YEATS4: variants seen among roughly 807,000 people sequenced by gnomAD.
YEATS4 encodes YEATS domain-containing protein 4.
Under a neutral mutation model 30.1 loss-of-function variants are expected in YEATS4, and 17 were observed. The observed-to-expected ratio is 0.56, with a 90% CI of 0.39 to 0.85. The LOEUF (loss-of-function observed/expected upper bound fraction) is 0.85. Among genes scored for constraint, YEATS4 ranks in the 40% least tolerant of loss-of-function variants. The probability of loss-of-function intolerance (pLI) is 0.00; values close to 1 mark genes in which losing one functional copy is unlikely to be tolerated. For missense variants in YEATS4, 142 were observed against 268.3 expected (o/e 0.53, Z 3.29); for synonymous variants, 85 against 87.5 (o/e 0.97, Z 0.16).
chr12:69,424,955 T>C, the YEATS4 span, among the ~76,000 whole-genome samples: 2 of 152,172 alleles, frequency 1.3e-5, no homozygotes, highest in African/African-American at 4.8e-5. Flanking sequence ...GTTTTGCTCT[T>C]GTTGCCCAGG....
chr12:69,362,456 A>G (rs1188127907), intron 1 of YEATS4, among the ~76,000 whole-genome samples: 2 of 152,242 alleles, frequency 1.3e-5, no homozygotes, highest in African/African-American at 4.8e-5. Context: ...GCCACAGGTG[A>G]TGCCAGTCAG....
At chr12:69,426,253 T>C in the YEATS4 span, among the ~76,000 whole-genome samples, 1 of 152,088 alleles carries the variant, frequency 6.6e-6, no homozygotes, top group Admixed American at 6.5e-5. Flanking sequence ...ATAATAATAA[T>C]AATAAACTAT....
At chr12:69,369,080 G>T (rs1335844615) in intron 4 of YEATS4, among the ~76,000 whole-genome samples, 1 of 152,112 alleles carries the variant, frequency 6.6e-6, no homozygotes, top group African/African-American at 2.4e-5. Flanking sequence ...TATACCTTTT[G>T]CAGGGAGGTC....
At chr12:69,360,382 C>T (rs1157195195) in intron 1 of YEATS4, among the ~76,000 whole-genome samples, 1 of 152,200 alleles carries the variant, frequency 6.6e-6, no homozygotes, top group Non-Finnish European at 1.5e-5. Flanking sequence ...ACGCCACCCT[C>T]CTGGTGTGAG....
At chr12:69,374,966 C>T (rs553870423) in intron 6 of YEATS4, among the ~76,000 whole-genome samples, 197 of 145,986 alleles carry the variant, frequency 1.3e-3, no homozygotes, top group African/African-American at 4.9e-3. Context: ...CGGGCAGGGG[C>T]GCCCCCCACC....
chr12:69,382,129 T>G (rs779319638), intron 6 of YEATS4, among the ~76,000 whole-genome samples: 2 of 152,224 alleles, frequency 1.3e-5, no homozygotes, highest in African/African-American at 4.8e-5. Context: ...ATAATCAGTC[T>G]CATTATAGGA....
At chr12:69,418,885 T>G in the YEATS4 span, among the ~76,000 whole-genome samples, 2 of 151,808 alleles carry the variant, frequency 1.3e-5, no homozygotes, top group East Asian at 3.9e-4. Context: ...GGAGTTCAAG[T>G]TCAGCCTGGG....
the YEATS4 span, among the ~76,000 whole-genome samples, chr12:69,426,634 G>C: frequency 6.6e-6 from 1 of 152,206 alleles, no homozygotes; most frequent in South Asian, 2.1e-4. Context: ...GCCTCCCAAA[G>C]TGCTGGGATT....
downstream of YEATS4, among the ~76,000 whole-genome samples, chr12:69,393,584 AAAG>A (rs201736499): frequency 1.9e-3 from 280 of 151,246 alleles, 2 homozygotes; most frequent in African/African-American, 6.6e-3. Context: ...GAAAAAAAAA[AAAG>A]GTAAATATTA....
chr12:69,362,827 G>C lies in YEATS4; in HGVS notation c.91G>C (p.Ala31Pro). The change falls in exon 2 of 7, where the codon GCT becomes CCT. Residue 31 changes from alanine (A) to proline (P), a missense_variant. Around this residue, in one of 3 missense-constraint regions of YEATS4, gnomAD observed 64 missense variants for 164.0 expected, o/e 0.39. Transcript: ENST00000247843. ...TAAACCAATAGTTTACGGTAATGTT[G>C]CTCGGTATTTTGGAAAGAAAAGAGA... is the stretch of plus-strand genomic sequence containing the variant. ...IVKPIVYGNV[A>P]RYFGKKREED... The C allele has an allele frequency of 6.2e-7, 1 of 1,611,904 alleles. No individual in the cohort carries two copies. Among genetic ancestry groups the C allele is most frequent in the Non-Finnish European group, 8.5e-7 (1 of 1,178,642 alleles).
At chr12:69,369,332 T>C (rs1875556638) in intron 4 of YEATS4, among the ~76,000 whole-genome samples, 1 of 152,166 alleles carries the variant, frequency 6.6e-6, no homozygotes, top group African/African-American at 2.4e-5. Context: ...GCCAAAGGAA[T>C]TTTTTCAGAA....
chr12:69,416,100 T>C, the YEATS4 span, among the ~76,000 whole-genome samples: 92 of 152,248 alleles, frequency 6.0e-4, no homozygotes, highest in Admixed American at 5.2e-4. Flanking sequence ...AGGCCCGCGG[T>C]CCTACCTCAG....
At chr12:69,361,050 T>A (rs1000222657) in intron 1 of YEATS4, among the ~76,000 whole-genome samples, 11 of 151,338 alleles carry the variant, frequency 7.3e-5, no homozygotes, top group Admixed American at 6.6e-4. Context: ...ATACAAAAAT[T>A]AGCCGGGCGT....
chr12:69,396,668 T>C, the YEATS4 span, among the ~76,000 whole-genome samples: 1 of 151,984 alleles, frequency 6.6e-6, no homozygotes, highest in Non-Finnish European at 1.5e-5. Flanking sequence ...TTAATGAGAA[T>C]TGTCACTCCT....
chr12:69,364,183 T>C, intron 2 of YEATS4: 1 of 449,436 alleles, frequency 2.2e-6, no homozygotes, highest in Non-Finnish European at 4.4e-6. Flanking sequence ...CTAGGCAAAA[T>C]GGCTCATTCC....
At chr12:69,416,614 G>A in the YEATS4 span, among the ~76,000 whole-genome samples, 1 of 152,184 alleles carries the variant, frequency 6.6e-6, no homozygotes, top group African/African-American at 2.4e-5. Context: ...TCTGCCTGCA[G>A]CCCTCCCACG....
chr12:69,405,979 T>A, the YEATS4 span, among the ~76,000 whole-genome samples: 7 of 152,346 alleles, frequency 4.6e-5, no homozygotes, highest in African/African-American at 1.7e-4. Context: ...CATACAACTC[T>A]ACATCATTTA....
intron 6 of YEATS4, among the ~76,000 whole-genome samples, chr12:69,382,404 G>A (rs1876115174): frequency 6.6e-6 from 1 of 152,150 alleles, no homozygotes; most frequent in South Asian, 2.1e-4. Flanking sequence ...TGGCACCCAA[G>A]CTACAAGACA....
chr12:69,389,024 G>A (rs1868284268), intron 6 of YEATS4, among the ~76,000 whole-genome samples: 1 of 152,194 alleles, frequency 6.6e-6, no homozygotes, highest in Non-Finnish European at 1.5e-5. Flanking sequence ...TTTCATAAGT[G>A]AGGAACATAG....
Sources: gnomAD v4.1 joint callset for allele counts (sites outside exome capture counted in the v4.1 genomes callset) on GRCh38, gnomAD v4.1.1 for gene constraint, gnomAD v4.1.1 regional missense constraint, MANE v1.5 for transcripts, NCBI Gene and HGNC (gene_info 2026-07-23, HGNC 2026-07-21) for gene names.